Variants in SMARCA2 observed in about 807,000 individuals in gnomAD.
The protein encoded by SMARCA2 is SWI/SNF-related matrix-associated actin-dependent regulator of chromatin subfamily A member 2.
Under a neutral mutation model 199.8 loss-of-function variants are expected in SMARCA2, and 61 were observed. The observed-to-expected ratio is 0.31, with a 90% CI of 0.25 to 0.38. The LOEUF (loss-of-function observed/expected upper bound fraction) is 0.38. SMARCA2 is among the 10% of genes least tolerant of loss of function. The pLI is 1.00. For synonymous variants in SMARCA2, 935 were observed against 732.0 expected, an observed-to-expected ratio of 1.28 and a Z score of -4.48; for missense variants, 1,344 against 2,012.2, an observed-to-expected ratio of 0.67 and a Z score of 6.35.
chr9:2,191,635 C>G (rs1004942225), intron 33 of SMARCA2: 3 of 402,266 alleles, frequency 7.5e-6, no homozygotes, highest in Admixed American at 4.1e-5. Flanking sequence ...AAATGAAAAA[C>G]TACCAAATCA....
intron 31 of SMARCA2, among the ~76,000 whole-genome samples, chr9:2,184,926 G>A (rs752023450): frequency 2.0e-5 from 3 of 151,980 alleles, no homozygotes; most frequent in Middle Eastern, 3.4e-3. Flanking sequence ...GGTGCAAACT[G>A]CAATTTGCCC....
intron 30 of SMARCA2, 53 bp downstream of exon 30, chr9:2,181,729 A>AAAGTCATTGAAATGGT: frequency 1.1e-6 from 1 of 951,796 alleles, no homozygotes; most frequent in East Asian, 2.4e-5. Flanking sequence ...GGAGCAGTGT[A>AAAGTCATTGAAATGGT]AAGTCATTGA....
intron 28 of SMARCA2, among the ~76,000 whole-genome samples, chr9:2,167,392 A>T (rs1013726896): frequency 6.6e-6 from 1 of 152,226 alleles, no homozygotes; most frequent in African/African-American, 2.4e-5. Context: ...CTCGAAGACA[A>T]TTCTTTCAGA....
intron 27 of SMARCA2, among the ~76,000 whole-genome samples, chr9:2,147,186 A>C (rs1346024013): frequency 6.6e-6 from 1 of 151,832 alleles, no homozygotes; most frequent in Non-Finnish European, 1.5e-5. Flanking sequence ...TATTTAGAAA[A>C]AGTACAGAAT....
intron 27 of SMARCA2, among the ~76,000 whole-genome samples, chr9:2,141,983 T>C (rs1824484002): frequency 6.6e-6 from 1 of 152,170 alleles, no homozygotes; most frequent in African/African-American, 2.4e-5. Context: ...TGATGAGACC[T>C]GCCCGTGAAG....
At chr9:2,066,226 A>G (rs1007398222) in intron 9 of SMARCA2, among the ~76,000 whole-genome samples, 12 of 152,224 alleles carry the variant, frequency 7.9e-5, no homozygotes, top group Admixed American at 2.6e-4. Flanking sequence ...AGTTTATAAT[A>G]TAGATTGTAA....
chr9:2,033,749 C>T (rs1819175874), intron 3 of SMARCA2, among the ~76,000 whole-genome samples: 2 of 152,210 alleles, frequency 1.3e-5, no homozygotes, highest in South Asian at 4.1e-4. Context: ...CTTGCTGCTT[C>T]CTAGTTTCTG....
At chr9:2,116,861 C>A (rs1037202967) in intron 25 of SMARCA2, among the ~76,000 whole-genome samples, 3 of 152,170 alleles carry the variant, frequency 2.0e-5, no homozygotes, top group South Asian at 2.1e-4. Flanking sequence ...CCCATACTTA[C>A]AAATTGAAGA....
intron 4 of SMARCA2, chr9:2,043,349 C>G (rs996921982): frequency 6.6e-6 from 1 of 150,556 alleles, no homozygotes; most frequent in African/African-American, 2.4e-5. Context: ...CAGTGGTTTC[C>G]CCTACAAAAT....
chr9:2,170,967 T>G lies in SMARCA2; in HGVS notation c.4253+495T>G, dbSNP rs1826219655. 6.6e-6 allele frequency among the ~76,000 whole-genome samples: 1 copy of G among 152,098 alleles called. No homozygotes were observed. ...TGGCATGCAGAGGGCAATTGCTGAG[T>G]TGTCTCTTGTTTGTGTGATGGGTTG... is the stretch of plus-strand genomic sequence containing the variant. On this transcript the variant is annotated intron_variant, in intron 29 of 33. Transcript: ENST00000349721. This position sits in a 1 kb window ranked among gnomAD's most constrained non-coding sequence, Gnocchi z 4.7.
At chr9:2,165,201 A>G (rs907753070) in intron 28 of SMARCA2, among the ~76,000 whole-genome samples, 1 of 152,248 alleles carries the variant, frequency 6.6e-6, no homozygotes, top group African/African-American at 2.4e-5. Context: ...GGGCTCTGAC[A>G]GTCATGTAGA....
chr9:2,062,913 G>A (rs1820666838), intron 9 of SMARCA2, among the ~76,000 whole-genome samples: 1 of 152,200 alleles, frequency 6.6e-6, no homozygotes, highest in Non-Finnish European at 1.5e-5. Flanking sequence ...GAATGTTGTG[G>A]AGGGAAACTG....
chr9:2,095,576 T>G (rs1014833753), intron 19 of SMARCA2, among the ~76,000 whole-genome samples: 2 of 152,190 alleles, frequency 1.3e-5, no homozygotes, highest in African/African-American at 4.8e-5. Flanking sequence ...CTTCTCACCT[T>G]TTCTGTAAAA....
At chr9:2,154,343 G>T (rs1341707279) in intron 27 of SMARCA2, among the ~76,000 whole-genome samples, 1 of 152,190 alleles carries the variant, frequency 6.6e-6, no homozygotes, top group Non-Finnish European at 1.5e-5. Context: ...TGTATCTGAA[G>T]ATTTATTAAA....
intron 7 of SMARCA2, among the ~76,000 whole-genome samples, chr9:2,057,802 T>C (rs996747837): frequency 3.3e-5 from 5 of 152,202 alleles, no homozygotes; most frequent in African/African-American, 1.2e-4. Context: ...ATAGAGTATA[T>C]ATTTAAAAAG....
chr9:2,191,012 G>C (rs1442382421), intron 32 of SMARCA2, among the ~76,000 whole-genome samples: 2 of 149,306 alleles, frequency 1.3e-5, no homozygotes, highest in Non-Finnish European at 3.0e-5. Context: ...CAGCCCCACT[G>C]TCCTCCATGA....
intron 27 of SMARCA2, among the ~76,000 whole-genome samples, chr9:2,131,957 A>G (rs1823980684): frequency 6.6e-6 from 1 of 151,982 alleles, no homozygotes; most frequent in South Asian, 2.1e-4. Flanking sequence ...AAAAAAGGAA[A>G]AAAAAATGAC....
intron 4 of SMARCA2, chr9:2,041,751 T>C (rs1819614386): frequency 4.7e-6 from 1 of 213,240 alleles, no homozygotes. Flanking sequence ...CAAGAAACTA[T>C]GCAGAAAATG....
In SMARCA2 at chr9:2,031,430, GAATAATTTGAAGGTGTCTCACCTTCAA is replaced by G. The variant is rs1442780650; in HGVS notation, c.226-1518_226-1492del. On this transcript the variant is annotated intron_variant, in intron 2 of 33. Transcript: ENST00000349721. ...CCTCTAAGTGGCTTACATAATTTCA[GAATAATTTGAAGGTGTCTCACCTTCAA>G]AATGAAAGATAAAATGTGAGGGAAA... Among the ~76,000 whole-genome samples, 4 of 152,164 alleles carry G rather than the reference GAATAATTTGAAGGTGTCTCACCTTCAA, an allele frequency of 2.6e-5. No homozygotes were observed. The South Asian group carries it at 6.2e-4, about 24-fold the overall frequency.
Sources: gnomAD v4.1 joint callset for allele counts (sites outside exome capture counted in the v4.1 genomes callset) on GRCh38, gnomAD v4.1.1 for gene constraint, Gnocchi (gnomAD v3.1) non-coding constraint, MANE v1.5 for transcripts, NCBI Gene and HGNC (gene_info 2026-07-23, HGNC 2026-07-21) for gene names.